The following KNL1 variants were observed in gnomAD, a reference collection of about 807,000 sequenced individuals.
The protein encoded by KNL1 is outer kinetochore KNL1 complex subunit KNL1.
KNL1 carries 66 observed loss-of-function variants against 201.3 expected under a neutral mutation model. The observed-to-expected ratio is 0.33, with a 90% confidence interval of 0.27 to 0.40. The LOEUF is 0.40. Ranked by LOEUF, KNL1 falls within the 10% of genes least tolerant of loss-of-function variation. The pLI, the probability that KNL1 is intolerant of heterozygous loss-of-function variation, is 1.00. For missense variants in KNL1, 2,815 were observed against 2,690.5 expected (o/e 1.05, Z -1.02); for synonymous variants, 895 against 899.2 (o/e 1.00, Z 0.08).
chr15:40,602,806 T>A, intron 1 of KNL1, 109 bp from the exon 2 acceptor site: 1 of 605,130 alleles, frequency 1.7e-6, no homozygotes, highest in Non-Finnish European at 2.9e-6. Context: ...TCTTTGGTCT[T>A]CCCTCAGAAA....
Position 40,621,376 on chromosome 15 carries a change from C to T in KNL1, c.1112C>T (p.Ala371Val). The T allele has an allele frequency of 1.2e-6, 2 of 1,610,910 alleles. No homozygotes were observed. The highest frequency in any genetic ancestry group is 1.1e-5 in the South Asian group (1 of 90,900). ...GTTTTTAAGAGTAAACAAAATACTG[C>T]TTTTCAAGACCTTTCCATAAACTCT... Reference protein sequence around the residue: ...KTVFKSKQNTAFQDLSINSAD... With the variant: ...KTVFKSKQNTVFQDLSINSAD... Residue 371 changes from alanine to valine, a missense_variant, in exon 10 of 26, where the codon GCT becomes GTT. Physicochemically the swap from Ala to Val is moderately conservative, Grantham distance 64. Transcript: ENST00000399668.
chr15:40,608,964 A>C (rs909590977), intron 5 of KNL1, 56 bp downstream of exon 5: 1 of 1,166,936 alleles, frequency 8.6e-7, no homozygotes, highest in Non-Finnish European at 1.3e-6. Context: ...TTTGTGTATC[A>C]AACCAAATGT....
chr15:40,601,415 T>C (rs1392789075), intron 1 of KNL1, among the ~76,000 whole-genome samples: 5 of 152,198 alleles, frequency 3.3e-5, no homozygotes, highest in Non-Finnish European at 5.9e-5. Context: ...CAAACTCTTA[T>C]AAGCTAGGCC....
chr15:40,638,862 A>G (rs889387351), intron 13 of KNL1, among the ~76,000 whole-genome samples: 1 of 143,184 alleles, frequency 7.0e-6, no homozygotes, highest in Non-Finnish European at 1.5e-5. Context: ...CACAGGCTGG[A>G]GTGCAATGGC....
intron 13 of KNL1, among the ~76,000 whole-genome samples, chr15:40,633,037 T>C (rs1892957605): frequency 6.6e-6 from 1 of 151,950 alleles, no homozygotes; most frequent in Non-Finnish European, 1.5e-5. Flanking sequence ...TCCCATAGGA[T>C]TTTTATGGAG....
intron 8 of KNL1, 87 bp from the exon 9 acceptor site, chr15:40,618,872 A>G: frequency 1.2e-6 from 1 of 806,648 alleles, no homozygotes; most frequent in South Asian, 1.7e-5. Context: ...TCTAGTAAAT[A>G]CTTGTAACTG....
At position 40,624,345 on chromosome 15, in the gene KNL1, C is replaced by T; in HGVS notation, c.4081C>T (p.Pro1361Ser). ...LESEGQPLSA[P>S]CPLLEKEEVI... Reference sequence around the variant, plus strand: ...ATCTGAGGGACAGCCTCTCTCTGCTCCTTGTCCTTTGTTAGAGAAGGAAGA... The same window carrying T: ...ATCTGAGGGACAGCCTCTCTCTGCTTCTTGTCCTTTGTTAGAGAAGGAAGA... Residue 1361 changes from proline to serine, a missense_variant, in exon 10 of 26, where the codon CCT (proline) becomes TCT (serine). Around this residue, in one of 3 missense-constraint regions of KNL1, gnomAD observed 2,464 missense variants for 2,291.7 expected, o/e 1.08. Coordinates refer to ENST00000399668, the MANE Select transcript of KNL1 (RefSeq NM_144508.5). 6.2e-7 allele frequency: 1 copy of T among 1,613,870 alleles called. No homozygotes were observed. The highest frequency in any genetic ancestry group is 1.1e-5 in the South Asian group (1 of 91,062).
At position 40,663,260 on chromosome 15, in the gene KNL1, G is replaced by A. The variant is rs933382439; in HGVS notation, c.*1072G>A. 5 of 165,946 alleles carry A rather than the reference G, an allele frequency of 3.0e-5. No individual in the cohort carries two copies. The highest frequency in any genetic ancestry group is 1.2e-4 in the East Asian group (1 of 8,218). 10.3% of individuals were successfully genotyped at this position (165,946 alleles called of 1,614,324 possible). ...CTTTTTAGTAGAAATGGGGTTTCACGATGTTAGCCAGGATGGTCTCGATCT... is the reference window on the plus strand; with the variant it reads ...CTTTTTAGTAGAAATGGGGTTTCACAATGTTAGCCAGGATGGTCTCGATCT... On this transcript the variant is annotated 3_prime_UTR_variant, in exon 26 of 26. Coordinates refer to ENST00000399668, the MANE Select transcript of KNL1 (RefSeq NM_144508.5).
chr15:40,604,602 A>G (rs1566999330), intron 2 of KNL1, among the ~76,000 whole-genome samples: 1 of 152,212 alleles, frequency 6.6e-6, no homozygotes, highest in Non-Finnish European at 1.5e-5. Context: ...GCTTCTCTTG[A>G]AAAATCAAGC....
intron 14 of KNL1, among the ~76,000 whole-genome samples, chr15:40,642,182 G>A (rs1033223918): frequency 1.3e-5 from 2 of 152,112 alleles, no homozygotes; most frequent in Admixed American, 1.3e-4. Context: ...GGTGGATCAC[G>A]AGGTCAGGAG....
In KNL1 at chr15:40,606,403, C is replaced by T; in HGVS notation, c.86C>T (p.Pro29Leu). 1 of 1,574,664 alleles carries T rather than the reference C, an allele frequency of 6.4e-7. No individual in the cohort carries two copies. The highest frequency in any genetic ancestry group is 8.7e-7 in the Non-Finnish European group (1 of 1,145,014). Residue 29 changes from proline (P) to leucine (L), a missense_variant, in exon 4 of 26, where the codon CCC becomes CTC. Around this residue, in one of 3 missense-constraint regions of KNL1, gnomAD observed 2,464 missense variants for 2,291.7 expected, o/e 1.08. Transcript: ENST00000399668. Reference sequence around the variant, plus strand: ...TAATTGTTACCCTAGATATTGAAACCCCCAAGGAGTCCTCTTCAGGACCTC... The same window carrying T: ...TAATTGTTACCCTAGATATTGAAACTCCCAAGGAGTCCTCTTCAGGACCTC... Reference protein sequence around the residue: ...VRRRHSSILKPPRSPLQDLRG... With the variant: ...VRRRHSSILKLPRSPLQDLRG...
intron 9 of KNL1, 110 bp from the exon 10 acceptor site, chr15:40,620,530 C>T (rs1226099200): frequency 1.1e-5 from 7 of 616,878 alleles, no homozygotes; most frequent in Non-Finnish European, 1.6e-5. Context: ...TCAAGCAAAC[C>T]AACGTGTTAT....
chr15:40,609,665 G>C (rs569176862), intron 5 of KNL1, among the ~76,000 whole-genome samples: 1 of 152,204 alleles, frequency 6.6e-6, no homozygotes, highest in South Asian at 2.1e-4. Context: ...TTGAGTCAAG[G>C]ATCATGTGTT....
At chr15:40,615,298 ATTGT>A (rs761972704) in intron 7 of KNL1, 39 bp from the exon 8 acceptor site, 32 of 563,622 alleles carry the variant, frequency 5.7e-5, no homozygotes, top group Admixed American at 1.6e-4. Flanking sequence ...ATTCTTGGTA[ATTGT>A]TTGGGGTATA....
chr15:40,626,096 G>T (rs1478611535), intron 10 of KNL1: 1 of 152,168 alleles, frequency 6.6e-6, no homozygotes, highest in East Asian at 1.9e-4. Context: ...AATTTCCTTG[G>T]CTGACAAGGA....
In KNL1 at chr15:40,646,561, A is replaced by G. The variant is rs564724043; in HGVS notation, c.6007-426A>G. Reference sequence around the variant, plus strand: ...CTAAAGCTTTGACCTTCATTTTAAGATTTGCCTGTTTGTAGGCTGGGTGCG... The same window carrying G: ...CTAAAGCTTTGACCTTCATTTTAAGGTTTGCCTGTTTGTAGGCTGGGTGCG... On this transcript the variant is annotated intron_variant, in intron 16 of 25. Transcript: ENST00000399668. 3.3e-5 allele frequency among the ~76,000 whole-genome samples: 5 copies of G among 152,208 alleles called. No homozygotes were observed. The East Asian group carries it at 9.6e-4, about 29-fold the overall frequency.
chr15:40,645,234 T>G (rs1205214153), intron 15 of KNL1, 147 bp downstream of exon 15: 2 of 528,528 alleles, frequency 3.8e-6, no homozygotes, highest in African/African-American at 3.8e-5. Context: ...CTTATTTAAT[T>G]ACACACAATT....
chr15:40,657,306 T>A, intron 23 of KNL1, 49 bp from the exon 24 acceptor site: 1 of 1,210,898 alleles, frequency 8.3e-7, no homozygotes, highest in Non-Finnish European at 1.2e-6. Flanking sequence ...CCACTAAGCA[T>A]TGAAATGTTT....
In KNL1 at chr15:40,646,904, G is replaced by A. The variant is rs888667503; in HGVS notation, c.6007-83G>A. 5.2e-5 allele frequency: 31 copies of A among 593,966 alleles called. 1 individual carries two copies. The Middle Eastern group carries it at 2.8e-3, about 53-fold the overall frequency. The allele number at this position is 593,966 out of a possible 1,614,324, so 36.8% of individuals were successfully genotyped here. ...GATTTGCCTGTTTGTGATCATGATAGAGCGATTATGTGAGCAGTTTGAACC... is the reference window on the plus strand; with the variant it reads ...GATTTGCCTGTTTGTGATCATGATAAAGCGATTATGTGAGCAGTTTGAACC... On this transcript the variant is annotated intron_variant, in intron 16 of 25. Coordinates refer to ENST00000399668, the MANE Select transcript of KNL1 (RefSeq NM_144508.5).
Sources: gnomAD v4.1 joint callset for allele counts (sites outside exome capture counted in the v4.1 genomes callset) on GRCh38, gnomAD v4.1.1 for gene constraint, gnomAD v4.1.1 regional missense constraint, MANE v1.5 for transcripts, NCBI Gene and HGNC (gene_info 2026-07-23, HGNC 2026-07-21) for gene names.